The following FRAS1 variants were observed in gnomAD, a reference collection of about 807,000 sequenced individuals.
FRAS1 encodes the protein Fraser extracellular matrix complex subunit 1.
FRAS1 carries 290 observed loss-of-function variants against 435.2 expected under a neutral mutation model. The observed-to-expected ratio is 0.67, with a 90% CI of 0.61 to 0.73. FRAS1 has a LOEUF of 0.73. Ranked by LOEUF, FRAS1 falls within the 30% of genes least tolerant of loss-of-function variation. The probability of loss-of-function intolerance (pLI) is 0.00; values close to 1 mark genes in which losing one functional copy is unlikely to be tolerated. For missense variants in FRAS1, 4,860 were observed against 5,001.5 expected (o/e 0.97, Z 0.85); for synonymous variants, 1,800 against 1,851.0 (o/e 0.97, Z 0.71).
chr4:78,114,416 T>G (rs568354616), intron 2 of FRAS1, among the ~76,000 whole-genome samples: 41 of 152,328 alleles, frequency 2.7e-4, no homozygotes, highest in Non-Finnish European at 5.4e-4. Flanking sequence ...TAAATTACCT[T>G]GGGAAGTATG....
chr4:78,178,393 T>A (rs1270190752), intron 2 of FRAS1, among the ~76,000 whole-genome samples: 1 of 152,262 alleles, frequency 6.6e-6, no homozygotes, highest in Non-Finnish European at 1.5e-5. Flanking sequence ...TTTCTTAAAT[T>A]ACCAATTTGT....
chr4:78,525,270 C>G (rs1708369345), intron 69 of FRAS1, among the ~76,000 whole-genome samples: 2 of 152,228 alleles, frequency 1.3e-5, no homozygotes, highest in African/African-American at 4.8e-5. Context: ...TGAAGGGTTA[C>G]TATCCACATT....
At chr4:78,262,979 A>G (rs1258923619) in intron 6 of FRAS1, among the ~76,000 whole-genome samples, 1 of 152,224 alleles carries the variant, frequency 6.6e-6, no homozygotes, top group Non-Finnish European at 1.5e-5. Flanking sequence ...GGGCATAGCT[A>G]TGTTCCAGTA....
chr4:78,424,435 A>G lies in FRAS1; in HGVS notation c.4711+15A>G. 1 of 1,374,804 alleles carries G rather than the reference A, an allele frequency of 7.3e-7. No homozygotes were observed. The highest frequency in any genetic ancestry group is 9.7e-7 in the Non-Finnish European group (1 of 1,035,420). The allele number at this position is 1,374,804 out of a possible 1,614,324, so 85.2% of individuals were successfully genotyped here. On this transcript the variant is annotated intron_variant, in intron 35 of 73. Transcript: ENST00000512123. Reference sequence around the variant, plus strand: ...CCACTTCACAGGTAAAGATTCATCTAAATTTTACTAGAAAGTGAAATTTTT... The same window carrying G: ...CCACTTCACAGGTAAAGATTCATCTGAATTTTACTAGAAAGTGAAATTTTT...
Position 78,236,133 on chromosome 4 carries a change from C to G in FRAS1, c.109-1377C>G, listed in dbSNP as rs1238321258. Among the ~76,000 whole-genome samples, 3 of 151,934 alleles carry G rather than the reference C, an allele frequency of 2.0e-5. No individual in the cohort carries two copies. The East Asian group carries it at 5.8e-4, about 29-fold the overall frequency. On this transcript the variant is annotated intron_variant, in intron 2 of 73. Coordinates refer to ENST00000512123, the MANE Select transcript of FRAS1 (RefSeq NM_025074.7). ...GGAAAAGTCAGAGAAGAGTAGAAAT[C>G]CAGGGGAGAATGAGATATGAGAACA...
chr4:78,303,433 G>A (rs1286683858), intron 14 of FRAS1, among the ~76,000 whole-genome samples: 37 of 152,202 alleles, frequency 2.4e-4, no homozygotes, highest in African/African-American at 2.4e-4. Context: ...CATTGAATCT[G>A]TAAATTACGT....
intron 14 of FRAS1, among the ~76,000 whole-genome samples, chr4:78,302,217 G>T (rs1260799): frequency 2.0e-5 from 3 of 148,948 alleles, no homozygotes; most frequent in African/African-American, 7.7e-5. Flanking sequence ...AGTATTCCAT[G>T]GTGTATATGT....
chr4:78,436,920 G>C (rs1360124567), intron 38 of FRAS1, among the ~76,000 whole-genome samples: 1 of 151,928 alleles, frequency 6.6e-6, no homozygotes. Flanking sequence ...TGAATGATGG[G>C]TTCATTGATG....
In FRAS1 at chr4:78,369,944, C is replaced by T. The variant is rs768744594; in HGVS notation, c.2829C>T (p.Ala943=). Residue 943 remains alanine, a synonymous_variant, in exon 23 of 74, where the codon GCC becomes GCT. Transcript: ENST00000512123. The part of the protein sequence containing the change: ...LFGECQYESC[A]PQYYLDFSTN... ...GGGAATGTCAATACGAGAGCTGCGC[C>T]CCACAGTACTATCTTGACTTCTCCA... 1 of 1,613,728 alleles carries T rather than the reference C, an allele frequency of 6.2e-7. No homozygotes were observed. Among genetic ancestry groups the T allele is most frequent in the South Asian group, 1.1e-5 (1 of 91,038 alleles).
At chr4:78,405,676 T>G (rs1199835756) in intron 30 of FRAS1, among the ~76,000 whole-genome samples, 1 of 152,236 alleles carries the variant, frequency 6.6e-6, no homozygotes, top group African/African-American at 2.4e-5. Flanking sequence ...TCTAGTGTAT[T>G]AAGATTCGAG....
intron 2 of FRAS1, among the ~76,000 whole-genome samples, chr4:78,118,326 G>A (rs4561952): frequency 0.28 from 42,624 of 152,032 alleles, 6,299 homozygotes; most frequent in African/African-American, 0.35. Context: ...GTCCAGCTGC[G>A]TGCTGGGAGA....
At chr4:78,293,441 A>G (rs1045453149) in intron 14 of FRAS1, among the ~76,000 whole-genome samples, 1 of 152,156 alleles carries the variant, frequency 6.6e-6, no homozygotes, top group Non-Finnish European at 1.5e-5. Flanking sequence ...GGCTTCCACT[A>G]TTTGCTCCTT....
intron 9 of FRAS1, among the ~76,000 whole-genome samples, chr4:78,268,388 G>A (rs1241146854): frequency 6.6e-6 from 1 of 152,174 alleles, no homozygotes; most frequent in African/African-American, 2.4e-5. Context: ...TAGGTAAAGA[G>A]GGTCTTGCTT....
intron 27 of FRAS1, among the ~76,000 whole-genome samples, chr4:78,383,198 A>G (rs1732087975): frequency 6.6e-6 from 1 of 152,120 alleles, no homozygotes; most frequent in Non-Finnish European, 1.5e-5. Context: ...TTTGGTTGCA[A>G]GTAATGGAAG....
At chr4:78,113,276 C>A (rs1011096144) in intron 2 of FRAS1, among the ~76,000 whole-genome samples, 2 of 152,048 alleles carry the variant, frequency 1.3e-5, no homozygotes, top group Non-Finnish European at 2.9e-5. Flanking sequence ...TGAATAGTGC[C>A]GCAACAAACA....
At chr4:78,292,501 A>G (rs1727943845) in intron 14 of FRAS1, among the ~76,000 whole-genome samples, 1 of 152,172 alleles carries the variant, frequency 6.6e-6, no homozygotes, top group Non-Finnish European at 1.5e-5. Flanking sequence ...TGTTGGAACG[A>G]TGGTTGACTG....
At chr4:78,217,673 G>GCA (rs1723827357) in intron 2 of FRAS1, among the ~76,000 whole-genome samples, 1 of 152,018 alleles carries the variant, frequency 6.6e-6, no homozygotes, top group Non-Finnish European at 1.5e-5. Flanking sequence ...GTCGCTCACT[G>GCA]CAATTTTTAT....
At chr4:78,135,882 T>C (rs1719897384) in intron 2 of FRAS1, among the ~76,000 whole-genome samples, 1 of 152,188 alleles carries the variant, frequency 6.6e-6, no homozygotes, top group South Asian at 2.1e-4. Context: ...GAACACTGAA[T>C]TAACAAATAC....
At chr4:78,064,852 C>A (rs1739926361) in intron 1 of FRAS1, among the ~76,000 whole-genome samples, 1 of 151,582 alleles carries the variant, frequency 6.6e-6, no homozygotes, top group African/African-American at 2.4e-5. Flanking sequence ...TCTTTAGAAA[C>A]CAACTGTGTG....
Sources: gnomAD v4.1 joint callset for allele counts (sites outside exome capture counted in the v4.1 genomes callset) on GRCh38, gnomAD v4.1.1 for gene constraint, MANE v1.5 for transcripts, NCBI Gene and HGNC (gene_info 2026-07-23, HGNC 2026-07-21) for gene names.